Variants in MSRA observed in about 807,000 individuals in gnomAD.
MSRA encodes the protein methionine sulfoxide reductase A.
MSRA carries 54 observed loss-of-function variants against 31.3 expected under a neutral mutation model. That is an observed-to-expected ratio of 1.73 (90% CI 1.39 to 2.17). The LOEUF (loss-of-function observed/expected upper bound fraction) is 2.17. Ranked by LOEUF, MSRA falls within the 30% of genes most tolerant of loss-of-function variation. The pLI, the probability that MSRA is intolerant of heterozygous loss-of-function variation, is 0.00. For missense variants in MSRA, 507 were observed against 300.9 expected (o/e 1.69, Z -5.07); for synonymous variants, 169 against 116.5 (o/e 1.45, Z -2.90).
At position 10,428,565 on chromosome 8, in the gene MSRA, T is replaced by G; in HGVS notation, c.*253T>G. ...GTGTCTTCTGGGGTCTGAGTGAAGATAGCAGGGATGCTGTGTTCACCCTTC... is the reference window on the plus strand; with the variant it reads ...GTGTCTTCTGGGGTCTGAGTGAAGAGAGCAGGGATGCTGTGTTCACCCTTC... On this transcript the variant is annotated 3_prime_UTR_variant, in exon 6 of 6. Transcript: ENST00000317173. 2 of 440,808 alleles carry G rather than the reference T, an allele frequency of 4.5e-6. No homozygotes were observed. Among genetic ancestry groups the G allele is most frequent in the Non-Finnish European group, 4.1e-6 (1 of 245,148 alleles). The allele number at this position is 440,808 out of a possible 1,614,324, so 27.3% of individuals were successfully genotyped here.
intron 5 of MSRA, among the ~76,000 whole-genome samples, chr8:10,415,277 C>G (rs948058739): frequency 1.3e-5 from 2 of 152,110 alleles, no homozygotes; most frequent in African/African-American, 4.8e-5. Flanking sequence ...GGAAGTTATG[C>G]TTGGAATTTG....
intron 5 of MSRA, among the ~76,000 whole-genome samples, chr8:10,350,798 C>G (rs764888623): frequency 6.6e-6 from 1 of 152,204 alleles, no homozygotes; most frequent in South Asian, 2.1e-4. Context: ...CGCGCCTCCC[C>G]CTTCACAGCA....
At chr8:10,346,418 G>C (rs1245384395) in intron 5 of MSRA, among the ~76,000 whole-genome samples, 1 of 152,136 alleles carries the variant, frequency 6.6e-6, no homozygotes, top group African/African-American at 2.4e-5. Context: ...TCTAGGGACT[G>C]TGCATCCCAT....
chr8:10,230,915 G>C (rs1397310376), intron 2 of MSRA, among the ~76,000 whole-genome samples: 2 of 152,178 alleles, frequency 1.3e-5, no homozygotes, highest in South Asian at 2.1e-4. Flanking sequence ...CTCCCAAGTA[G>C]CTGGGATTAC....
Position 10,386,585 on chromosome 8 carries a change from G to A in MSRA, c.544-41563G>A, listed in dbSNP as rs183963254. Reference sequence around the variant, plus strand: ...AACTTCAGCATGAGTTGCAAGCGCCGTCAGAGCTTGCCAAGACACAATTGT... The same window carrying A: ...AACTTCAGCATGAGTTGCAAGCGCCATCAGAGCTTGCCAAGACACAATTGT... On this transcript the variant is annotated intron_variant, in intron 5 of 5. Transcript: ENST00000317173. 4.0e-3 allele frequency among the ~76,000 whole-genome samples: 603 copies of A among 152,202 alleles called. 4 individuals are homozygous for A. Among genetic ancestry groups the A allele is most frequent in the African/African-American group, 0.014 (564 of 41,524 alleles).
At chr8:10,248,534 T>C (rs572280518) in intron 3 of MSRA, among the ~76,000 whole-genome samples, 58 of 152,294 alleles carry the variant, frequency 3.8e-4, no homozygotes, top group Non-Finnish European at 7.6e-4. Context: ...GCTGTGCCAG[T>C]GGGTCTGCAC....
chr8:10,306,263 A>G (rs531004500), intron 4 of MSRA, among the ~76,000 whole-genome samples: 14 of 152,314 alleles, frequency 9.2e-5, no homozygotes, highest in East Asian at 3.9e-4. Flanking sequence ...AATAATGTCT[A>G]TACTGCCGAC....
intron 5 of MSRA, chr8:10,337,471 G>A (rs992566916): frequency 2.7e-5 from 13 of 484,486 alleles, no homozygotes; most frequent in Admixed American, 1.1e-4. Context: ...GAGCCACCAC[G>A]CCCGGCCAAG....
chr8:10,096,260 TGAAGACCA>T, intron 1 of MSRA: 1 of 1,176,830 alleles, frequency 8.5e-7, no homozygotes, highest in African/African-American at 1.6e-5. Flanking sequence ...GTGACAACAC[TGAAGACCA>T]GAAAGGCAAG....
chr8:10,330,028 G>A (rs1802601947), intron 5 of MSRA, among the ~76,000 whole-genome samples: 1 of 151,442 alleles, frequency 6.6e-6, no homozygotes, highest in African/African-American at 2.4e-5. Context: ...GTGTGTGTGT[G>A]TGTGTGTGTG....
At chr8:10,132,608 CAGAG>C (rs944981523) in intron 1 of MSRA, among the ~76,000 whole-genome samples, 2 of 152,222 alleles carry the variant, frequency 1.3e-5, no homozygotes, top group East Asian at 3.9e-4. Context: ...TCTTGCTGAA[CAGAG>C]AGAGAGAAAG....
At chr8:10,241,675 C>T (rs1050824584) in intron 2 of MSRA, among the ~76,000 whole-genome samples, 4 of 152,152 alleles carry the variant, frequency 2.6e-5, no homozygotes, top group African/African-American at 9.7e-5. Context: ...AGGCATTGAG[C>T]ACCCATCAAT....
At chr8:10,211,946 T>C (rs948290838) in intron 2 of MSRA, among the ~76,000 whole-genome samples, 2 of 152,150 alleles carry the variant, frequency 1.3e-5, no homozygotes, top group Non-Finnish European at 2.9e-5. Context: ...CAAAGCTTAC[T>C]AATTTAAAAG....
intron 2 of MSRA, among the ~76,000 whole-genome samples, chr8:10,210,484 G>A (rs78412219): frequency 0.016 from 2,462 of 152,218 alleles, 76 homozygotes; most frequent in African/African-American, 0.056. Context: ...ATGCCTTCCC[G>A]GAGTGCTCTG....
intron 2 of MSRA, among the ~76,000 whole-genome samples, chr8:10,240,736 C>A (rs1812336514): frequency 6.6e-6 from 1 of 152,174 alleles, no homozygotes; most frequent in South Asian, 2.1e-4. Flanking sequence ...TCCCTTACCC[C>A]TGTCTTTCCT....
At chr8:10,416,642 C>G (rs888120404) in intron 5 of MSRA, among the ~76,000 whole-genome samples, 1 of 152,216 alleles carries the variant, frequency 6.6e-6, no homozygotes, top group Non-Finnish European at 1.5e-5. Flanking sequence ...GACCTGACTT[C>G]AAAAGGAGGG....
chr8:10,354,605 T>C (rs1804394611), intron 5 of MSRA, among the ~76,000 whole-genome samples: 1 of 152,056 alleles, frequency 6.6e-6, no homozygotes, highest in African/African-American at 2.4e-5. Flanking sequence ...TCGTGAAATA[T>C]CGGTCAGTAA....
chr8:10,365,932 C>G (rs1157950704), intron 5 of MSRA, among the ~76,000 whole-genome samples: 1 of 152,198 alleles, frequency 6.6e-6, no homozygotes, highest in Non-Finnish European at 1.5e-5. Context: ...CTTGCCTTGA[C>G]TAGTCAATGG....
chr8:10,228,162 A>C, intron 2 of MSRA, among the ~76,000 whole-genome samples: 1 of 151,998 alleles, frequency 6.6e-6, no homozygotes, highest in South Asian at 2.1e-4. Context: ...AGCTCAGGAT[A>C]TTTCTGGTCT....
Sources: gnomAD v4.1 joint callset for allele counts (sites outside exome capture counted in the v4.1 genomes callset) on GRCh38, gnomAD v4.1.1 for gene constraint, MANE v1.5 for transcripts, NCBI Gene and HGNC (gene_info 2026-07-23, HGNC 2026-07-21) for gene names.